CDKAL1: variants seen among roughly 807,000 people sequenced by gnomAD.
CDKAL1 encodes CDKAL1 threonylcarbamoyladenosine tRNA methylthiotransferase, also known as threonylcarbamoyladenosine tRNA methylthiotransferase.
CDKAL1 carries 32 observed loss-of-function variants against 68.2 expected under a neutral mutation model. The observed-to-expected ratio is 0.47, with a 90% CI of 0.35 to 0.63. The LOEUF (loss-of-function observed/expected upper bound fraction) is 0.63, where lower values mean the gene tolerates loss of function less well. Among genes scored for constraint, CDKAL1 ranks in the 30% least tolerant of loss-of-function variants. The pLI is 0.00. For missense variants in CDKAL1, 606 were observed against 696.7 expected (o/e 0.87, Z 1.47); for synonymous variants, 234 against 244.3 (o/e 0.96, Z 0.39).
intron 8 of CDKAL1, among the ~76,000 whole-genome samples, chr6:20,812,496 T>C (rs1776863624): frequency 6.6e-6 from 1 of 152,226 alleles, no homozygotes; most frequent in African/African-American, 2.4e-5. Context: ...ATGAACGTTT[T>C]CATCACTTCC....
chr6:20,719,962 T>A (rs1236611627), intron 5 of CDKAL1, among the ~76,000 whole-genome samples: 1 of 152,210 alleles, frequency 6.6e-6, no homozygotes, highest in Non-Finnish European at 1.5e-5. Context: ...ATCTACAGGC[T>A]CCCCTCCATT....
intron 13 of CDKAL1, among the ~76,000 whole-genome samples, chr6:21,113,132 T>C (rs1774205657): frequency 6.6e-6 from 1 of 152,196 alleles, no homozygotes; most frequent in Non-Finnish European, 1.5e-5. Flanking sequence ...ACCACTTAAT[T>C]TGGACCCAAA....
intron 13 of CDKAL1, among the ~76,000 whole-genome samples, chr6:21,182,757 G>A (rs71563985): frequency 0.017 from 2,554 of 152,264 alleles, 54 homozygotes; most frequent in East Asian, 0.096. Context: ...ATTAAGAAAG[G>A]CATATCCTAT....
intron 13 of CDKAL1, among the ~76,000 whole-genome samples, chr6:21,188,681 C>G (rs1343320838): frequency 2.6e-5 from 4 of 152,178 alleles, no homozygotes; most frequent in Admixed American, 2.6e-4. Flanking sequence ...CCCAGGCTGC[C>G]TGGGCATGAC....
intron 9 of CDKAL1, among the ~76,000 whole-genome samples, chr6:20,943,321 G>C (rs1345965791): frequency 1.6e-5 from 1 of 64,334 alleles, no homozygotes; most frequent in Admixed American, 1.9e-4. Context: ...TCATTACCTT[G>C]TTTTTTCAAA....
At chr6:20,796,257 A>G (rs1776105169) in intron 8 of CDKAL1, among the ~76,000 whole-genome samples, 1 of 152,214 alleles carries the variant, frequency 6.6e-6, no homozygotes, top group South Asian at 2.1e-4. Context: ...ATGTTATGCA[A>G]TAGCTCTAAG....
At chr6:20,851,291 A>G (rs1004307961) in intron 9 of CDKAL1, among the ~76,000 whole-genome samples, 7 of 152,192 alleles carry the variant, frequency 4.6e-5, no homozygotes, top group African/African-American at 1.7e-4. Context: ...ATCTAGAAAA[A>G]CATGTCAAGT....
At chr6:20,751,491 A>T (rs1338655299) in intron 6 of CDKAL1, among the ~76,000 whole-genome samples, 1 of 152,236 alleles carries the variant, frequency 6.6e-6, no homozygotes, top group East Asian at 1.9e-4. Context: ...GGCACAGCAT[A>T]TAAACATTTC....
intron 4 of CDKAL1, among the ~76,000 whole-genome samples, chr6:20,596,408 G>A (rs955331490): frequency 2.0e-4 from 31 of 152,318 alleles, no homozygotes; most frequent in East Asian, 1.2e-3. Flanking sequence ...CGGCTTTGCC[G>A]AGCTGTGGTG....
chr6:21,113,918 C>CTGT (rs1774255484), intron 13 of CDKAL1, among the ~76,000 whole-genome samples: 1 of 150,818 alleles, frequency 6.6e-6, no homozygotes, highest in South Asian at 2.1e-4. Flanking sequence ...CCAGCCTGGG[C>CTGT]AACAGAGCAA....
chr6:20,749,514 A>G (rs1581502858), intron 6 of CDKAL1, among the ~76,000 whole-genome samples: 1 of 148,534 alleles, frequency 6.7e-6, no homozygotes, highest in South Asian at 2.2e-4. Context: ...TTTGCTCTCT[A>G]CCTCCTACCA....
chr6:21,194,454 A>G (rs1262705011), intron 13 of CDKAL1, among the ~76,000 whole-genome samples: 2 of 152,160 alleles, frequency 1.3e-5, no homozygotes, highest in East Asian at 1.9e-4. Context: ...CTAGTGGACT[A>G]CCTCTGCCAT....
chr6:20,779,159 T>C (rs963398477), intron 7 of CDKAL1, among the ~76,000 whole-genome samples: 4 of 152,198 alleles, frequency 2.6e-5, no homozygotes, highest in African/African-American at 9.7e-5. Context: ...GGCAAGGATA[T>C]GAAGAAACTC....
intron 12 of CDKAL1, among the ~76,000 whole-genome samples, chr6:21,083,384 A>C (rs6904648): frequency 0.87 from 131,854 of 151,996 alleles, 57,420 homozygotes; most frequent in East Asian, 1. Flanking sequence ...AACCTGTATA[A>C]CCCTTAGTGA....
Position 21,065,111 on chromosome 6 carries a change from T to C in CDKAL1, c.1119T>C (p.Asp373=). 1 of 1,607,664 alleles carries C rather than the reference T, an allele frequency of 6.2e-7. No individual in the cohort carries two copies. Among genetic ancestry groups the C allele is most frequent in the Non-Finnish European group, 8.5e-7 (1 of 1,177,494 alleles). ...ICGFPGETDQ[D]FQETVKLVEE... is the part of the protein sequence containing the mutation. ...GTTTTCCTGGAGAAACAGATCAGGA[T>C]TTTCAAGAAACAGTGAAACTTGTTG... The change falls in exon 12 of 16, where the codon GAT becomes GAC. Residue 373 remains aspartate (D), a synonymous_variant. Transcript: ENST00000274695.
chr6:20,987,545 C>T (rs542842727), intron 10 of CDKAL1, among the ~76,000 whole-genome samples: 3 of 152,238 alleles, frequency 2.0e-5, no homozygotes, highest in African/African-American at 7.2e-5. Context: ...GCGTGAGACA[C>T]CGTGCCTGGC....
At chr6:20,876,583 A>T (rs1760530287) in intron 9 of CDKAL1, among the ~76,000 whole-genome samples, 1 of 152,146 alleles carries the variant, frequency 6.6e-6, no homozygotes, top group African/African-American at 2.4e-5. Flanking sequence ...TATTCCTAAA[A>T]CTTTTATTTT....
At chr6:20,693,466 AT>A (rs138420022) in intron 5 of CDKAL1, among the ~76,000 whole-genome samples, 26,983 of 152,190 alleles carry the variant, frequency 0.18, 2,564 homozygotes, top group East Asian at 0.37. Flanking sequence ...TTTTGTGTGC[AT>A]TTTATCAAGA....
At chr6:20,948,534 T>G (rs1764370683) in intron 9 of CDKAL1, among the ~76,000 whole-genome samples, 1 of 152,248 alleles carries the variant, frequency 6.6e-6, no homozygotes, top group South Asian at 2.1e-4. Context: ...ATCAACTGAT[T>G]ATTAATATTT....
Sources: gnomAD v4.1 joint callset for allele counts (sites outside exome capture counted in the v4.1 genomes callset) on GRCh38, gnomAD v4.1.1 for gene constraint, MANE v1.5 for transcripts, NCBI Gene and HGNC (gene_info 2026-07-23, HGNC 2026-07-21) for gene names.